MAML2: variants seen among roughly 807,000 people sequenced by gnomAD.
The protein encoded by MAML2 is mastermind-like protein 2.
Under a neutral mutation model 96.1 loss-of-function variants are expected in MAML2, and 22 were observed. The ratio of observed to expected loss-of-function variants is 0.23; its 90% CI spans 0.16 to 0.33. The LOEUF is 0.33. Ranked by LOEUF, MAML2 falls within the 10% of genes least tolerant of loss-of-function variation. The probability of loss-of-function intolerance (pLI) is 1.00; values close to 1 mark genes in which losing one functional copy is unlikely to be tolerated. For missense variants in MAML2, 1,367 were observed against 1,392.4 expected (o/e 0.98, Z 0.29); for synonymous variants, 561 against 521.3 (o/e 1.08, Z -1.04).
At chr11:96,132,198 G>C (rs1860558949) in intron 1 of MAML2, among the ~76,000 whole-genome samples, 1 of 152,140 alleles carries the variant, frequency 6.6e-6, no homozygotes, top group Non-Finnish European at 1.5e-5. Flanking sequence ...CTATGAGCAG[G>C]AAATTAGGAA....
chr11:96,198,050 G>C (rs1022320846), intron 1 of MAML2, among the ~76,000 whole-genome samples: 4 of 152,224 alleles, frequency 2.6e-5, no homozygotes, highest in African/African-American at 9.7e-5. Flanking sequence ...GCAGACAATG[G>C]AAAACCATTG....
chr11:96,059,600 T>C (rs912725890), intron 2 of MAML2, among the ~76,000 whole-genome samples: 2 of 152,158 alleles, frequency 1.3e-5, no homozygotes, highest in Non-Finnish European at 2.9e-5. Flanking sequence ...AAATTTCTCT[T>C]TTTTGGGGGT....
At chr11:96,085,966 T>C (rs1202878631) in intron 2 of MAML2, among the ~76,000 whole-genome samples, 9 of 152,230 alleles carry the variant, frequency 5.9e-5, no homozygotes, top group Admixed American at 5.9e-4. Flanking sequence ...GAGAGTTCTA[T>C]TCTGTGAAAG....
At chr11:96,235,823 A>C (rs1239024722) in intron 1 of MAML2, among the ~76,000 whole-genome samples, 1 of 152,244 alleles carries the variant, frequency 6.6e-6, no homozygotes, top group African/African-American at 2.4e-5. Context: ...TTCAGTACCG[A>C]GTAAAACCCC....
intron 1 of MAML2, among the ~76,000 whole-genome samples, chr11:96,161,223 G>A (rs1224962943): frequency 6.6e-6 from 1 of 152,206 alleles, no homozygotes; most frequent in East Asian, 1.9e-4. Flanking sequence ...ACCCTGAAAC[G>A]GGAGGAATGT....
At chr11:96,142,235 G>T (rs1195356108) in intron 1 of MAML2, among the ~76,000 whole-genome samples, 1 of 152,126 alleles carries the variant, frequency 6.6e-6, no homozygotes, top group Admixed American at 6.5e-5. Context: ...GAAACCCAAA[G>T]GACCAGTAAG....
chr11:96,340,790 T>A (rs896051139), intron 1 of MAML2, among the ~76,000 whole-genome samples: 1 of 152,126 alleles, frequency 6.6e-6, no homozygotes, highest in African/African-American at 2.4e-5. Flanking sequence ...TAAGAAACAG[T>A]GCCTCCCTAG....
intron 2 of MAML2, among the ~76,000 whole-genome samples, chr11:95,995,420 A>C (rs934795944): frequency 1.3e-5 from 2 of 152,120 alleles, no homozygotes; most frequent in Non-Finnish European, 2.9e-5. Context: ...TTCTTTTAAC[A>C]TCCAATTATT....
intron 1 of MAML2, among the ~76,000 whole-genome samples, chr11:96,308,575 A>T (rs1309155032): frequency 6.6e-6 from 1 of 152,216 alleles, no homozygotes; most frequent in African/African-American, 2.4e-5. Context: ...AACCTACTTT[A>T]GACATAAAAT....
At chr11:96,219,822 C>T (rs776141130) in intron 1 of MAML2, among the ~76,000 whole-genome samples, 1 of 152,118 alleles carries the variant, frequency 6.6e-6, no homozygotes. Flanking sequence ...GATGGGGTTT[C>T]ATCATGTTGG....
At chr11:96,059,007 G>A (rs1394519697) in intron 2 of MAML2, among the ~76,000 whole-genome samples, 1 of 152,156 alleles carries the variant, frequency 6.6e-6, no homozygotes, top group Non-Finnish European at 1.5e-5. Flanking sequence ...GCTTGAACCC[G>A]GGAGGTGGAG....
In MAML2 at chr11:96,093,517, G is replaced by T. The variant is rs965540762; in HGVS notation, c.514C>A (p.Leu172Ile). Reference protein sequence around the residue: ...GDQRNSALIALQGSLKRKQVV... With the variant: ...GDQRNSALIAIQGSLKRKQVV... ...TGTTTTCTTTTCAAGGAACCCTGGA[G>T]CTGAAAGACAGAAGGGAATAAAAAG... Residue 172 changes from leucine (L) to isoleucine (I), a missense_variant and splice_region_variant, in exon 2 of 5, where the codon CTC (leucine) becomes ATC (isoleucine). Transcript: ENST00000524717. 5 of 1,585,262 alleles carry T rather than the reference G, an allele frequency of 3.2e-6. No individual in the cohort carries two copies. The highest frequency in any genetic ancestry group is 4.5e-5 in the East Asian group (2 of 44,676).
intron 2 of MAML2, among the ~76,000 whole-genome samples, chr11:96,073,387 C>G (rs1319849085): frequency 1.4e-5 from 2 of 146,934 alleles, no homozygotes; most frequent in Non-Finnish European, 3.0e-5. Flanking sequence ...GTGGTGCTAT[C>G]TCAGCTCACT....
intron 2 of MAML2, among the ~76,000 whole-genome samples, chr11:96,061,444 T>C (rs1859158039): frequency 6.6e-6 from 1 of 152,148 alleles, no homozygotes; most frequent in Non-Finnish European, 1.5e-5. Flanking sequence ...TTCTGAACAA[T>C]GTCTCAGGAG....
chr11:96,062,946 C>T (rs1859189164), intron 2 of MAML2, among the ~76,000 whole-genome samples: 1 of 152,128 alleles, frequency 6.6e-6, no homozygotes, highest in South Asian at 2.1e-4. Flanking sequence ...GCCAACCCCC[C>T]AACCTAATAA....
intron 1 of MAML2, among the ~76,000 whole-genome samples, chr11:96,301,014 C>G (rs970786826): frequency 6.6e-6 from 1 of 152,224 alleles, no homozygotes; most frequent in Non-Finnish European, 1.5e-5. Context: ...AAGCTCCACT[C>G]TTGGCCCACA....
At position 96,225,734 on chromosome 11, in the gene MAML2, G is replaced by A. The variant is rs188362810; in HGVS notation, c.513+115649C>T. Among the ~76,000 whole-genome samples, 73 of 152,126 alleles carry A rather than the reference G, an allele frequency of 4.8e-4. 1 individual carries two copies. Among genetic ancestry groups the A allele is most frequent in the Admixed American group, 2.2e-3 (33 of 15,276 alleles). On this transcript the variant is annotated intron_variant, in intron 1 of 4. Coordinates refer to ENST00000524717, the MANE Select transcript of MAML2 (RefSeq NM_032427.4). ...TGTAGTCCCAGCTACTTGGGAGGCC[G>A]AGGCAGGAGACTCACTTGAATCTGG...
At chr11:96,026,873 C>CAAAT (rs72031056) in intron 2 of MAML2, among the ~76,000 whole-genome samples, 11,301 of 147,600 alleles carry the variant, frequency 0.077, 614 homozygotes, top group African/African-American at 0.13. Flanking sequence ...AGCATCCTGG[C>CAAAT]AAATAAATAA....
intron 1 of MAML2, among the ~76,000 whole-genome samples, chr11:96,153,005 G>T (rs577649809): frequency 7.2e-4 from 110 of 152,288 alleles, no homozygotes; most frequent in African/African-American, 2.5e-3. Flanking sequence ...CAGCCAGAAT[G>T]CAGGGTAGTT....
Sources: gnomAD v4.1 joint callset for allele counts (sites outside exome capture counted in the v4.1 genomes callset) on GRCh38, gnomAD v4.1.1 for gene constraint, MANE v1.5 for transcripts, NCBI Gene and HGNC (gene_info 2026-07-23, HGNC 2026-07-21) for gene names.